Variants in TPH2 observed in about 807,000 individuals in gnomAD.
TPH2 encodes tryptophan 5-hydroxylase 2.
Under a neutral mutation model 59.1 loss-of-function variants are expected in TPH2, and 27 were observed. That is an observed-to-expected ratio of 0.46 (90% CI 0.34 to 0.63). The LOEUF is 0.63. TPH2 is among the 30% of genes least tolerant of loss of function. The pLI is 0.01. For synonymous variants in TPH2, 220 were observed against 210.5 expected, an observed-to-expected ratio of 1.05 and a Z score of -0.39; for missense variants, 523 against 588.3, an observed-to-expected ratio of 0.89 and a Z score of 1.15.
At chr12:71,945,050 GTAT>G (rs1319555067) in intron 4 of TPH2, among the ~76,000 whole-genome samples, 2 of 152,146 alleles carry the variant, frequency 1.3e-5, no homozygotes, top group African/African-American at 4.8e-5. Context: ...GGAGGACTAG[GTAT>G]TATGGGGCTC....
intron 7 of TPH2, among the ~76,000 whole-genome samples, chr12:71,985,839 CTCCCCTT>C (rs1437570195): frequency 1.1e-4 from 16 of 152,184 alleles, no homozygotes; most frequent in Non-Finnish European, 2.4e-4. Context: ...GAGGCCTGCC[CTCCCCTT>C]TGATCTTCAC....
intron 2 of TPH2, among the ~76,000 whole-genome samples, chr12:71,942,576 C>G (rs1871102486): frequency 6.6e-6 from 1 of 152,158 alleles, no homozygotes; most frequent in Non-Finnish European, 1.5e-5. Flanking sequence ...CCTGGCTTGG[C>G]TAAACACTAG....
intron 2 of TPH2, among the ~76,000 whole-genome samples, chr12:71,942,450 G>C (rs897983378): frequency 6.6e-6 from 1 of 152,178 alleles, no homozygotes; most frequent in East Asian, 1.9e-4. Context: ...TTTGGGGGCA[G>C]TGGCGGTTGA....
At chr12:71,977,684 G>A (rs1872159335) in intron 6 of TPH2, among the ~76,000 whole-genome samples, 1 of 152,114 alleles carries the variant, frequency 6.6e-6, no homozygotes, top group African/African-American at 2.4e-5. Context: ...AGGAAATGAT[G>A]TTATTCTGGG....
chr12:71,958,448 T>C (rs544190681), intron 5 of TPH2, among the ~76,000 whole-genome samples: 2 of 152,368 alleles, frequency 1.3e-5, no homozygotes, highest in Admixed American at 1.3e-4. Context: ...AAAGTTATTC[T>C]CCTTACAGAA....
At chr12:71,961,558 C>G (rs764781116) in intron 5 of TPH2, 2 of 1,351,896 alleles carry the variant, frequency 1.5e-6, no homozygotes, top group African/African-American at 3.0e-5. Flanking sequence ...TCTAGTGGCC[C>G]AAGACTGTTA....
intron 9 of TPH2, among the ~76,000 whole-genome samples, chr12:72,028,170 A>T (rs958525427): frequency 2.0e-5 from 3 of 152,192 alleles, no homozygotes; most frequent in African/African-American, 7.2e-5. Flanking sequence ...TGTCAACCAG[A>T]TTCTGTCAGC....
At chr12:72,015,206 T>C (rs2139238838) in intron 8 of TPH2, among the ~76,000 whole-genome samples, 1 of 152,094 alleles carries the variant, frequency 6.6e-6, no homozygotes, top group South Asian at 2.1e-4. Flanking sequence ...GTGTATACAT[T>C]GACATACTAG....
intron 8 of TPH2, among the ~76,000 whole-genome samples, chr12:72,018,736 A>C (rs1873328615): frequency 6.6e-6 from 1 of 152,194 alleles, no homozygotes; most frequent in Non-Finnish European, 1.5e-5. Flanking sequence ...AAATCAGCCA[A>C]AGGCACACTA....
intron 6 of TPH2, among the ~76,000 whole-genome samples, chr12:71,974,847 C>G (rs1872073053): frequency 6.6e-6 from 1 of 152,132 alleles, no homozygotes; most frequent in African/African-American, 2.4e-5. Flanking sequence ...ACTCTCCTGC[C>G]CACTGCCCAT....
At chr12:71,957,431 G>A (rs1871541878) in intron 5 of TPH2, among the ~76,000 whole-genome samples, 2 of 146,054 alleles carry the variant, frequency 1.4e-5, no homozygotes, top group South Asian at 4.4e-4. Flanking sequence ...CCACCTCCCA[G>A]GCTCAAGTGA....
chr12:71,949,248 TA>T (rs1422711998), intron 4 of TPH2, among the ~76,000 whole-genome samples: 32 of 152,220 alleles, frequency 2.1e-4, no homozygotes, highest in Admixed American at 6.5e-4. Context: ...ATGAATAGGA[TA>T]GGATTAATTT....
chr12:71,960,697 A>G (rs6582072), intron 5 of TPH2, among the ~76,000 whole-genome samples: 120,572 of 152,172 alleles, frequency 0.79, 48,050 homozygotes, highest in East Asian at 0.84. Context: ...CATTAACGCA[A>G]TATGGTCCTG....
chr12:71,986,748 A>G (rs1872449337), intron 7 of TPH2, among the ~76,000 whole-genome samples: 1 of 151,764 alleles, frequency 6.6e-6, no homozygotes, highest in African/African-American at 2.4e-5. Context: ...TAGCACTTAG[A>G]AGCACCTGGC....
intron 7 of TPH2, among the ~76,000 whole-genome samples, chr12:71,981,808 GA>G (rs1171065614): frequency 6.6e-6 from 1 of 151,994 alleles, no homozygotes; most frequent in African/African-American, 2.4e-5. Flanking sequence ...TCCAGATGGA[GA>G]AGTTTCTGGT....
chr12:71,964,527 T>C lies in TPH2; in HGVS notation c.609-7992T>C, dbSNP rs1592389632. ...ATATTCTGGCAATATTTTTCCAGTC[T>C]CAGAGGCATAAGCCATCTTCTTGAA... On this transcript the variant is annotated intron_variant, in intron 5 of 10. Transcript: ENST00000333850. The C allele has an allele frequency of 5.1e-6, 5 of 984,694 alleles. No individual in the cohort carries two copies. In the East Asian group the frequency reaches 5.7e-4, roughly 112 times the overall value. The allele number at this position is 984,694 out of a possible 1,614,324, so 61.0% of individuals were successfully genotyped here. A position where few individuals can be genotyped will look rare whatever the true frequency, so the allele number is the denominator to read the frequency against.
At chr12:71,982,015 A>ATTTTTTTGTTTTTTTTTTTTTTTT (rs1872293654) in intron 7 of TPH2, among the ~76,000 whole-genome samples, 2 of 60,492 alleles carry the variant, frequency 3.3e-5, no homozygotes, top group African/African-American at 1.2e-4. Flanking sequence ...TATCATTCGT[A>ATTTTTTTGTTTTTTTTTTTTTTTT]TTTTTTTTTT....
At chr12:71,990,463 C>T (rs1008206591) in intron 7 of TPH2, among the ~76,000 whole-genome samples, 12 of 152,322 alleles carry the variant, frequency 7.9e-5, no homozygotes, top group African/African-American at 2.4e-4. Context: ...CCCCTCTCTG[C>T]CCCAAAGAGT....
At position 72,012,530 on chromosome 12, in the gene TPH2, C is replaced by T. The variant is rs149386789; in HGVS notation, c.1069-9869C>T. On this transcript the variant is annotated intron_variant, in intron 8 of 10. Transcript: ENST00000333850. ...TGGAGCAATGAAGGTTGAGAGAAAG[C>T]GATGGCTAGACCATGGAGGGCCTTT... Among the ~76,000 whole-genome samples, 576 of 152,274 alleles carry T rather than the reference C, an allele frequency of 3.8e-3. 3 individuals carry two copies. Among genetic ancestry groups the T allele is most frequent in the Middle Eastern group, 6.8e-3 (2 of 294 alleles).
Sources: allele counts gnomAD v4.1 joint callset (sites outside exome capture counted in the v4.1 genomes callset), GRCh38; gene constraint gnomAD v4.1.1; transcripts MANE v1.5; gene names NCBI Gene and HGNC (gene_info 2026-07-23, HGNC 2026-07-21).